RBFOX1: variants seen among roughly 807,000 people sequenced by gnomAD.
RBFOX1 encodes the protein RNA binding protein fox-1 homolog 1.
Under a neutral mutation model 57.7 loss-of-function variants are expected in RBFOX1, and 8 were observed. That is an observed-to-expected ratio of 0.14 (90% CI 0.08 to 0.25). The LOEUF is 0.25. Among genes scored for constraint, RBFOX1 ranks in the 10% least tolerant of loss-of-function variants. The pLI, the probability that RBFOX1 is intolerant of heterozygous loss-of-function variation, is 1.00. For synonymous variants in RBFOX1, 326 were observed against 222.4 expected (o/e 1.47, Z -4.15); for missense variants, 611 against 548.5 (o/e 1.11, Z -1.14).
intron 9 of RBFOX1, among the ~76,000 whole-genome samples, chr16:7,601,716 G>T (rs2095035390): frequency 1.3e-5 from 2 of 152,290 alleles, no homozygotes; most frequent in African/African-American, 4.8e-5. Flanking sequence ...AGTGGTAAAT[G>T]TGACTAAGTG....
chr16:5,774,161 T>A (rs2054070513), intron 3 of RBFOX1, among the ~76,000 whole-genome samples: 1 of 151,876 alleles, frequency 6.6e-6, no homozygotes, highest in Non-Finnish European at 1.5e-5. Context: ...GGAGTGGGTT[T>A]ATCCCCATCA....
intron 1 of RBFOX1, among the ~76,000 whole-genome samples, chr16:5,396,469 C>T (rs566233472): frequency 6.6e-6 from 1 of 152,186 alleles, no homozygotes; most frequent in African/African-American, 2.4e-5. Flanking sequence ...GGCAAAACCC[C>T]ATCTCTACTA....
intron 4 of RBFOX1, among the ~76,000 whole-genome samples, chr16:7,494,342 A>G (rs2067893107): frequency 6.6e-6 from 1 of 152,072 alleles, no homozygotes; most frequent in African/African-American, 2.4e-5. Flanking sequence ...TGGCCTTCCT[A>G]CCATTGGCGG....
At chr16:5,358,302 C>A (rs2065449848) in intron 1 of RBFOX1, among the ~76,000 whole-genome samples, 1 of 152,038 alleles carries the variant, frequency 6.6e-6, no homozygotes. Context: ...CCATTCTGTT[C>A]CAGTATGACC....
intron 1 of RBFOX1, among the ~76,000 whole-genome samples, chr16:5,403,741 C>T (rs144086832): frequency 1.5e-3 from 227 of 152,320 alleles, no homozygotes; most frequent in African/African-American, 5.3e-3. Flanking sequence ...CCACCACACC[C>T]AGCCAATGCT....
intron 11 of RBFOX1, among the ~76,000 whole-genome samples, chr16:7,631,963 G>T (rs1186821385): frequency 6.6e-6 from 1 of 152,186 alleles, no homozygotes; most frequent in Non-Finnish European, 1.5e-5. Context: ...AGGCTGGAGT[G>T]CAGTGGTGCC....
chr16:6,771,940 C>A (rs1447500034), intron 3 of RBFOX1, among the ~76,000 whole-genome samples: 1 of 152,114 alleles, frequency 6.6e-6, no homozygotes, highest in Non-Finnish European at 1.5e-5. Flanking sequence ...CTACTCTGGG[C>A]ATTGTGTAGA....
Position 6,912,135 on chromosome 16 carries a change from G to A in RBFOX1, c.-15-139922G>A, listed in dbSNP as rs147679335. Among the ~76,000 whole-genome samples the A allele has an allele frequency of 3.5e-4, 53 of 152,186 alleles. No homozygotes were observed. In the East Asian group the frequency reaches 5.8e-3, roughly 17 times the overall value. ...ACTTACTAGTATTTCAGAACTTTAC[G>A]TTTGAGTTCTATTTTCATGCCATAA... is the stretch of plus-strand genomic sequence containing the variant. On this transcript the variant is annotated intron_variant, in intron 3 of 15. Coordinates refer to ENST00000550418, the MANE Select transcript of RBFOX1 (RefSeq NM_018723.4).
At chr16:6,314,228 G>T (rs1429654659) in intron 1 of RBFOX1, among the ~76,000 whole-genome samples, 2 of 152,126 alleles carry the variant, frequency 1.3e-5, no homozygotes, top group Non-Finnish European at 2.9e-5. Flanking sequence ...TCACTTGTTA[G>T]GCTACCCAAT....
At chr16:5,967,099 C>T (rs1413459292) in intron 4 of RBFOX1, among the ~76,000 whole-genome samples, 1 of 150,268 alleles carries the variant, frequency 6.7e-6, no homozygotes, top group Admixed American at 6.7e-5. Flanking sequence ...TTGACGGCTG[C>T]TTCTTCGAGT....
At chr16:6,880,377 G>A (rs55694271) in intron 3 of RBFOX1, among the ~76,000 whole-genome samples, 120,318 of 152,086 alleles carry the variant, frequency 0.79, 48,528 homozygotes, top group African/African-American at 0.95. Context: ...TTCCACTTCA[G>A]TCACTGCAAC....
At chr16:7,561,513 C>T (rs901335692) in intron 5 of RBFOX1, among the ~76,000 whole-genome samples, 6 of 152,232 alleles carry the variant, frequency 3.9e-5, no homozygotes, top group African/African-American at 1.4e-4. Context: ...TGACTAGTGT[C>T]AATTTGCAGA....
chr16:6,985,492 A>G (rs1361052983), intron 3 of RBFOX1, among the ~76,000 whole-genome samples: 2 of 152,146 alleles, frequency 1.3e-5, no homozygotes, highest in African/African-American at 4.8e-5. Context: ...TTAAAAAATT[A>G]ATTAACTAAA....
intron 4 of RBFOX1, among the ~76,000 whole-genome samples, chr16:7,293,270 G>T (rs1412041784): frequency 6.6e-6 from 1 of 152,144 alleles, no homozygotes; most frequent in East Asian, 1.9e-4. Flanking sequence ...AATTTGCATT[G>T]TATTAGTAAA....
intron 2 of RBFOX1, among the ~76,000 whole-genome samples, chr16:6,640,581 C>A (rs1389956820): frequency 6.6e-6 from 1 of 152,006 alleles, no homozygotes; most frequent in Non-Finnish European, 1.5e-5. Context: ...GCACTCCAGC[C>A]TCAGCGACAG....
rs3066618 is a variant in RBFOX1 at position 6,410,168 on chromosome 16, CTGTGTGTGTGTGTG to C, written c.-64+93134_-64+93147del. On this transcript the variant is annotated intron_variant, in intron 2 of 15. Coordinates refer to ENST00000550418, the MANE Select transcript of RBFOX1 (RefSeq NM_018723.4). ...GTTTAGAGTTTTAAGCATCATAAGG[CTGTGTGTGTGTGTG>C]TGTGTGTGTGTGTGTGTGTGTGCTG... 9.0e-3 allele frequency among the ~76,000 whole-genome samples: 1,330 copies of C among 147,040 alleles called. 9 individuals are homozygous for C. The highest frequency in any genetic ancestry group is 0.013 in the Non-Finnish European group (867 of 66,928).
At chr16:5,968,957 A>G (rs904620329) in intron 4 of RBFOX1, among the ~76,000 whole-genome samples, 1 of 151,702 alleles carries the variant, frequency 6.6e-6, no homozygotes, top group African/African-American at 2.4e-5. Context: ...GACTATTTAT[A>G]TTTTCTCCCT....
chr16:7,533,711 C>G (rs1326518616), intron 5 of RBFOX1, among the ~76,000 whole-genome samples: 1 of 152,190 alleles, frequency 6.6e-6, no homozygotes, highest in African/African-American at 2.4e-5. Flanking sequence ...TATGGGCACT[C>G]AAAGCATGAT....
At chr16:7,018,395 A>G (rs774992412) in intron 3 of RBFOX1, among the ~76,000 whole-genome samples, 2 of 152,166 alleles carry the variant, frequency 1.3e-5, no homozygotes, top group African/African-American at 2.4e-5. Context: ...TTCTTTATGC[A>G]TAATTGTGTG....
Sources: gnomAD v4.1 joint callset for allele counts (sites outside exome capture counted in the v4.1 genomes callset) on GRCh38, gnomAD v4.1.1 for gene constraint, MANE v1.5 for transcripts, NCBI Gene and HGNC (gene_info 2026-07-23, HGNC 2026-07-21) for gene names.